The following ITPK1 variants were observed in gnomAD, a reference collection of about 807,000 sequenced individuals.
The protein encoded by ITPK1 is inositol 1,3,4-trisphosphate 5/6-kinase.
In ITPK1, 21 loss-of-function variants were observed where a neutral mutation model predicts 45.3. That is an observed-to-expected ratio of 0.46 (90% confidence interval 0.33 to 0.67). ITPK1 has a LOEUF of 0.67. Ranked by LOEUF, ITPK1 falls within the 30% of genes least tolerant of loss-of-function variation. The probability of loss-of-function intolerance (pLI) is 0.02; values close to 1 mark genes in which losing one functional copy is unlikely to be tolerated. For synonymous variants in ITPK1, 258 were observed against 253.6 expected, an observed-to-expected ratio of 1.02 and a Z score of -0.16; for missense variants, 474 against 573.5, an observed-to-expected ratio of 0.83 and a Z score of 1.77.
At chr14:92,950,192 C>T (rs1887892761) in intron 9 of ITPK1, among the ~76,000 whole-genome samples, 1 of 152,236 alleles carries the variant, frequency 6.6e-6, no homozygotes, top group Non-Finnish European at 1.5e-5. Context: ...TGGGGCTAGG[C>T]CCATCCGCAG....
rs34719890 is a variant in ITPK1, at chr14:93,093,806, G to C, written c.96-17187C>G. 7.6e-3 allele frequency among the ~76,000 whole-genome samples: 1,159 copies of C among 152,168 alleles called. 17 individuals are homozygous for C. The highest frequency in any genetic ancestry group is 0.026 in the African/African-American group (1,095 of 41,514). ...CTAGACCACCACTGCCTGGACAATCGCAGCAGCCTCCCCCTCCAATCCCAC... is the reference window on the plus strand; with the variant it reads ...CTAGACCACCACTGCCTGGACAATCCCAGCAGCCTCCCCCTCCAATCCCAC... On this transcript the variant is annotated intron_variant, in intron 2 of 10. Transcript: ENST00000267615.
In ITPK1 at chr14:93,034,276, C is replaced by G. The variant is rs1003244928; in HGVS notation, c.121-17475G>C. Reference sequence around the variant, plus strand: ...AAACCACCCACCCCCAACACTCCCCCACCCCCTGTCGGAGCAGGAAGATGC... The same window carrying G: ...AAACCACCCACCCCCAACACTCCCCGACCCCCTGTCGGAGCAGGAAGATGC... On this transcript the variant is annotated intron_variant, in intron 3 of 10. Transcript: ENST00000267615. The surrounding 1 kb of genome is among the most constrained non-coding windows in gnomAD (Gnocchi z 4.1). 4.6e-5 allele frequency among the ~76,000 whole-genome samples: 7 copies of G among 151,630 alleles called. No individual in the cohort carries two copies. Among genetic ancestry groups the G allele is most frequent in the Middle Eastern group, 3.2e-3 (1 of 316 alleles).
At chr14:92,984,316 G>GT (rs1260163836) in intron 5 of ITPK1, among the ~76,000 whole-genome samples, 3 of 152,192 alleles carry the variant, frequency 2.0e-5, no homozygotes, top group Non-Finnish European at 4.4e-5. Flanking sequence ...AGTGTGTTGA[G>GT]TGCAACAGTC....
chr14:93,106,969 T>A (rs1299320888), intron 2 of ITPK1, among the ~76,000 whole-genome samples: 1 of 151,874 alleles, frequency 6.6e-6, no homozygotes, highest in East Asian at 1.9e-4. Flanking sequence ...ACATACTTTT[T>A]TTTTTTGAGA....
In ITPK1 at chr14:93,032,057, A is replaced by C. The variant is rs985396164; in HGVS notation, c.121-15256T>G. Among the ~76,000 whole-genome samples, 3 of 152,216 alleles carry C rather than the reference A, an allele frequency of 2.0e-5. No individual in the cohort carries two copies. Among genetic ancestry groups the C allele is most frequent in the Non-Finnish European group, 4.4e-5 (3 of 68,042 alleles). On this transcript the variant is annotated intron_variant, in intron 3 of 10. Coordinates refer to ENST00000267615, the MANE Select transcript of ITPK1 (RefSeq NM_014216.6). This position sits in a 1 kb window ranked among gnomAD's most constrained non-coding sequence, Gnocchi z 4.0. ...TTTCCAAACTGGTATTTGATATAAT[A>C]GTAACAAAGCAGCCGGGTGCAGTGG...
intron 5 of ITPK1, among the ~76,000 whole-genome samples, chr14:92,983,448 T>G (rs894777669): frequency 4.6e-5 from 7 of 152,174 alleles, no homozygotes; most frequent in African/African-American, 1.7e-4. Context: ...CGTCCACAAT[T>G]TTTAACAATG....
rs906103430 is a variant in ITPK1 at position 93,012,423 on chromosome 14, C to T, written c.246+4253G>A. Among the ~76,000 whole-genome samples, 2 of 152,180 alleles carry T rather than the reference C, an allele frequency of 1.3e-5. No homozygotes were observed. The highest frequency in any genetic ancestry group is 6.5e-5 in the Admixed American group (1 of 15,280). ...CGCTGAGGTGGACACACATCAGAGCCTGGGCAGCTGCTGAGGGGGCCAGGG... is the reference window on the plus strand; with the variant it reads ...CGCTGAGGTGGACACACATCAGAGCTTGGGCAGCTGCTGAGGGGGCCAGGG... On this transcript the variant is annotated intron_variant, in intron 4 of 10. Coordinates refer to ENST00000267615, the MANE Select transcript of ITPK1 (RefSeq NM_014216.6). The surrounding 1 kb of genome is among the most constrained non-coding windows in gnomAD (Gnocchi z 4.9).
At chr14:93,053,409 T>A (rs945796327) in intron 3 of ITPK1, among the ~76,000 whole-genome samples, 1 of 151,864 alleles carries the variant, frequency 6.6e-6, no homozygotes, top group African/African-American at 2.4e-5. Context: ...CCTGGGGGCC[T>A]CATGACAGCC....
At chr14:92,960,391 C>T (rs1037272049) in intron 7 of ITPK1, among the ~76,000 whole-genome samples, 8 of 152,184 alleles carry the variant, frequency 5.3e-5, no homozygotes, top group South Asian at 2.1e-4. Flanking sequence ...CAGCTGGTTC[C>T]GGCAGCTCAT....
chr14:93,019,032 C>G (rs1888335737), intron 3 of ITPK1, among the ~76,000 whole-genome samples: 1 of 152,198 alleles, frequency 6.6e-6, no homozygotes, highest in Non-Finnish European at 1.5e-5. Flanking sequence ...CCAGAAAAAG[C>G]AGACTCTGAA....
chr14:93,007,355 C>A (rs1285329578), intron 4 of ITPK1, among the ~76,000 whole-genome samples: 1 of 151,416 alleles, frequency 6.6e-6, no homozygotes, highest in African/African-American at 2.4e-5. Context: ...ACCCACCCCA[C>A]CCTGGCCCAC....
At chr14:93,020,166 T>A (rs943586298) in intron 3 of ITPK1, among the ~76,000 whole-genome samples, 1 of 152,182 alleles carries the variant, frequency 6.6e-6, no homozygotes, top group African/African-American at 2.4e-5. Flanking sequence ...AGAGACTTAC[T>A]AGAGGTGGGG....
rs543254920 is a variant in ITPK1, at chr14:93,090,346, G to T, written c.96-13727C>A. Among the ~76,000 whole-genome samples, 17 of 152,312 alleles carry T rather than the reference G, an allele frequency of 1.1e-4. No homozygotes were observed. The South Asian group carries it at 3.5e-3, about 32-fold the overall frequency. ...CTCTTCCTCGCACCATCCTCTCAGAGGGCGGTCCAAGAGGAAGGACACAGA... is the reference window on the plus strand; with the variant it reads ...CTCTTCCTCGCACCATCCTCTCAGATGGCGGTCCAAGAGGAAGGACACAGA... On this transcript the variant is annotated intron_variant, in intron 2 of 10. Coordinates refer to ENST00000267615, the MANE Select transcript of ITPK1 (RefSeq NM_014216.6).
At chr14:93,054,703 C>T (rs551589701) in intron 3 of ITPK1, among the ~76,000 whole-genome samples, 2 of 152,108 alleles carry the variant, frequency 1.3e-5, no homozygotes, top group Admixed American at 6.5e-5. Context: ...TCAGGAGGGG[C>T]GGTGGCCATG....
intron 5 of ITPK1, among the ~76,000 whole-genome samples, chr14:92,988,263 G>T (rs997493485): frequency 1.6e-4 from 24 of 152,206 alleles, no homozygotes; most frequent in Non-Finnish European, 3.2e-4. Flanking sequence ...GACACTGGGG[G>T]AGGCATGGGC....
At chr14:93,061,449 G>A (rs1291437162) in intron 3 of ITPK1, among the ~76,000 whole-genome samples, 3 of 152,116 alleles carry the variant, frequency 2.0e-5, no homozygotes, top group Non-Finnish European at 4.4e-5. Context: ...GCACAGCTGC[G>A]GCTAGGCTAC....
intron 3 of ITPK1, chr14:93,068,643 C>CG (rs941957253): frequency 3.3e-5 from 5 of 152,162 alleles, no homozygotes; most frequent in African/African-American, 1.2e-4. Context: ...TCAAGAGCAC[C>CG]GGGGTCAGCC....
At chr14:93,019,530 A>C (rs1194152284) in intron 3 of ITPK1, among the ~76,000 whole-genome samples, 1 of 152,126 alleles carries the variant, frequency 6.6e-6, no homozygotes, top group Non-Finnish European at 1.5e-5. Context: ...CTTGGGACAC[A>C]CATCAGGCCT....
At chr14:93,050,171 G>A (rs1331791084) in intron 3 of ITPK1, among the ~76,000 whole-genome samples, 1 of 152,224 alleles carries the variant, frequency 6.6e-6, no homozygotes, top group Non-Finnish European at 1.5e-5. Flanking sequence ...TTTACACAAG[G>A]AGGACTGGGT....
Sources: allele counts gnomAD v4.1 joint callset (sites outside exome capture counted in the v4.1 genomes callset), GRCh38; gene constraint gnomAD v4.1.1; non-coding constraint Gnocchi (gnomAD v3.1); transcripts MANE v1.5; gene names NCBI Gene and HGNC (gene_info 2026-07-23, HGNC 2026-07-21).